The following FRAS1 variants were observed in gnomAD, a reference collection of about 807,000 sequenced individuals.
FRAS1 encodes extracellular matrix organizing protein FRAS1.
In FRAS1, 290 loss-of-function variants were observed where a neutral mutation model predicts 435.2. The ratio of observed to expected loss-of-function variants is 0.67; its 90% CI spans 0.61 to 0.73. The LOEUF is 0.73. Ranked by LOEUF, FRAS1 falls within the 30% of genes least tolerant of loss-of-function variation. The probability of loss-of-function intolerance (pLI) is 0.00; values close to 1 mark genes in which losing one functional copy is unlikely to be tolerated. For missense variants in FRAS1, 4,860 were observed against 5,001.5 expected (o/e 0.97, Z 0.85); for synonymous variants, 1,800 against 1,851.0 (o/e 0.97, Z 0.71).
Position 78,481,876 on chromosome 4 carries a change from G to A in FRAS1, c.8516G>A (p.Arg2839Gln), listed in dbSNP as rs752028327. The change falls in exon 57 of 74, where the codon CGG becomes CAG. Residue 2839 changes from arginine to glutamine, a missense_variant. Physicochemically the swap from Arg to Gln is conservative, Grantham distance 43. Transcript: ENST00000512123. ...TTCGCATCTGTCTGGTGTGCAACGC[G>A]GCCCTCAGACCCAGCTTCTGCCACA... ...STFASVWCAT[R>Q]PSDPASATPG... is the part of the protein sequence containing the mutation. The A allele has an allele frequency of 9.9e-6, 16 of 1,613,650 alleles. No individual in the cohort carries two copies. In the East Asian group the frequency reaches 1.6e-4, roughly 16 times the overall value.
chr4:78,077,197 A>AAC (rs10535451), intron 2 of FRAS1, among the ~76,000 whole-genome samples: 105 of 150,050 alleles, frequency 7.0e-4, no homozygotes, highest in Non-Finnish European at 1.2e-3. Context: ...GACACACAGA[A>AAC]ACACACACAC....
chr4:78,434,237 T>C (rs2109817229), intron 38 of FRAS1, among the ~76,000 whole-genome samples: 1 of 152,274 alleles, frequency 6.6e-6, no homozygotes, highest in Middle Eastern at 3.4e-3. Flanking sequence ...AGTGATACAA[T>C]GTTGGAGGAG....
chr4:78,440,333 A>C, intron 40 of FRAS1, among the ~76,000 whole-genome samples: 1 of 152,156 alleles, frequency 6.6e-6, no homozygotes, highest in East Asian at 1.9e-4. Context: ...GGCCCGGCCA[A>C]ACTAAGTCAT....
At chr4:78,314,804 A>G (rs952934615) in intron 15 of FRAS1, among the ~76,000 whole-genome samples, 2 of 152,122 alleles carry the variant, frequency 1.3e-5, no homozygotes, top group Non-Finnish European at 1.5e-5. Flanking sequence ...TCCTAAGACA[A>G]TGCTCAACGG....
chr4:78,135,809 C>G (rs866423397), intron 2 of FRAS1, among the ~76,000 whole-genome samples: 1 of 152,088 alleles, frequency 6.6e-6, no homozygotes, highest in Non-Finnish European at 1.5e-5. Context: ...TGTGGAAGTC[C>G]GGACTGAGGG....
At chr4:78,484,149 A>G (rs1720102673) in intron 58 of FRAS1, among the ~76,000 whole-genome samples, 1 of 152,098 alleles carries the variant, frequency 6.6e-6, no homozygotes, top group Non-Finnish European at 1.5e-5. Flanking sequence ...ATCATATAAT[A>G]TCTATGATTT....
At chr4:78,523,760 G>C (rs1721457117) in intron 69 of FRAS1, among the ~76,000 whole-genome samples, 1 of 152,118 alleles carries the variant, frequency 6.6e-6, no homozygotes, top group African/African-American at 2.4e-5. Context: ...CTTTGTCCCA[G>C]TTTATAGACA....
At chr4:78,357,489 G>T (rs540502739) in intron 20 of FRAS1, among the ~76,000 whole-genome samples, 8 of 152,150 alleles carry the variant, frequency 5.3e-5, no homozygotes, top group African/African-American at 1.9e-4. Flanking sequence ...CAAAGGGAAT[G>T]GTTCCTCTGC....
intron 14 of FRAS1, among the ~76,000 whole-genome samples, chr4:78,302,636 G>C (rs1233824934): frequency 6.6e-6 from 1 of 151,886 alleles, no homozygotes; most frequent in African/African-American, 2.4e-5. Context: ...TGTGTCTTTT[G>C]GCTGCATAAA....
At chr4:78,171,689 C>A (rs552887868) in intron 2 of FRAS1, among the ~76,000 whole-genome samples, 1 of 152,224 alleles carries the variant, frequency 6.6e-6, no homozygotes, top group East Asian at 1.9e-4. Context: ...CGCCTCCTGG[C>A]TGGAAAAAAT....
chr4:78,180,745 T>C (rs1721964001), intron 2 of FRAS1: 1 of 796,588 alleles, frequency 1.3e-6, no homozygotes, highest in East Asian at 2.7e-5. Context: ...AGTCTTTAGG[T>C]GTGAATGGTA....
At chr4:78,245,974 TG>T (rs1044790822) in intron 4 of FRAS1, among the ~76,000 whole-genome samples, 56 of 152,134 alleles carry the variant, frequency 3.7e-4, no homozygotes, top group African/African-American at 1.3e-3. Context: ...AAATTTCCCT[TG>T]GGGGCAAAAT....
Position 78,144,021 on chromosome 4 carries a change from A to G in FRAS1, c.108+78005A>G, listed in dbSNP as rs191562488. ...AAATTTCCAAATATTTTAGAAAAAA[A>G]TAAGTATTTTTCTTAATCATCAAAA... On this transcript the variant is annotated intron_variant, in intron 2 of 73. Coordinates refer to ENST00000512123, the MANE Select transcript of FRAS1 (RefSeq NM_025074.7). Among the ~76,000 whole-genome samples, 109 of 152,102 alleles carry G rather than the reference A, an allele frequency of 7.2e-4. No homozygotes were observed. In the East Asian group the frequency reaches 0.016, roughly 23 times the overall value.
intron 2 of FRAS1, chr4:78,071,980 C>T (rs1182063134): frequency 6.6e-6 from 1 of 151,710 alleles, no homozygotes; most frequent in African/African-American, 2.4e-5. Context: ...TTGAAGTCAA[C>T]ACAGTTACAA....
intron 20 of FRAS1, among the ~76,000 whole-genome samples, chr4:78,358,780 T>G (rs1218817546): frequency 6.6e-6 from 1 of 152,214 alleles, no homozygotes; most frequent in East Asian, 1.9e-4. Context: ...AAGTAAATAT[T>G]CAAACTGTAA....
In FRAS1 at chr4:78,539,415, C is replaced by T. The variant is rs1214348245; in HGVS notation, c.11420C>T (p.Thr3807Ile). 1 of 1,607,240 alleles carries T rather than the reference C, an allele frequency of 6.2e-7. No individual in the cohort carries two copies. The highest frequency in any genetic ancestry group is 8.5e-7 in the Non-Finnish European group (1 of 1,176,878). Residue 3807 changes from threonine (T) to isoleucine (I), a missense_variant, in exon 73 of 74, where the codon ACT (threonine) becomes ATT (isoleucine). By Grantham distance (89) the Thr-to-Ile change is moderately conservative. Transcript: ENST00000512123. ...VSNMPGVDGF[T>I]LKVDALYKVE... The stretch of plus-strand genomic sequence containing the variant: ...AACATGCCAGGTGTGGATGGATTTA[C>T]TCTAAAAGTAGATGCACTCTATAAG...
intron 2 of FRAS1, among the ~76,000 whole-genome samples, chr4:78,100,701 C>T (rs1367945722): frequency 6.6e-6 from 1 of 152,098 alleles, no homozygotes; most frequent in Admixed American, 6.6e-5. Context: ...TCACTGGGCC[C>T]CACAAAATTA....
intron 54 of FRAS1, 85 bp from the exon 55 acceptor site, chr4:78,477,730 A>G (rs1235012927): frequency 2.0e-6 from 3 of 1,504,750 alleles, no homozygotes; most frequent in Non-Finnish European, 9.0e-7. Context: ...CTGGACTTGG[A>G]TGCTCTTTTC....
rs537864667 is a variant in FRAS1, at chr4:78,080,527, T to C, written c.108+14511T>C. ...TGGAATAGCTTTTATCTTAATTGGA[T>C]ACATTCTATGGTTCAGAGTTTGTGC... On this transcript the variant is annotated intron_variant, in intron 2 of 73. Transcript: ENST00000512123. Among the ~76,000 whole-genome samples the C allele has an allele frequency of 4.6e-5, 7 of 152,334 alleles. No homozygotes were observed. The South Asian group carries it at 1.2e-3, about 27-fold the overall frequency.
Sources: allele counts gnomAD v4.1 joint callset (sites outside exome capture counted in the v4.1 genomes callset), GRCh38; gene constraint gnomAD v4.1.1; transcripts MANE v1.5; gene names NCBI Gene and HGNC (gene_info 2026-07-23, HGNC 2026-07-21).